The following ITPR1 variants were observed in gnomAD, a reference collection of about 807,000 sequenced individuals.
ITPR1 encodes inositol 1,4,5-trisphosphate receptor type 1, also known as inositol 1,4,5-trisphosphate-gated calcium channel ITPR1.
In ITPR1, 96 loss-of-function variants were observed where a neutral mutation model predicts 318.4. The ratio of observed to expected loss-of-function variants is 0.30; its 90% CI spans 0.26 to 0.36. ITPR1 has a LOEUF of 0.36. Among genes scored for constraint, ITPR1 ranks in the 10% least tolerant of loss-of-function variants. The pLI, the probability that ITPR1 is intolerant of heterozygous loss-of-function variation, is 1.00. For synonymous variants in ITPR1, 1,312 were observed against 1,289.9 expected (o/e 1.02, Z -0.37); for missense variants, 2,440 against 3,460.2 (o/e 0.71, Z 7.40).
At chr3:4,821,030 G>GC (rs1296809233) in intron 60 of ITPR1, among the ~76,000 whole-genome samples, 1 of 152,228 alleles carries the variant, frequency 6.6e-6, no homozygotes, top group Non-Finnish European at 1.5e-5. Flanking sequence ...TCCCCACTGA[G>GC]CGGGGGCATC....
At chr3:4,569,515 TTC>T (rs1419441318) in intron 4 of ITPR1, among the ~76,000 whole-genome samples, 2 of 152,238 alleles carry the variant, frequency 1.3e-5, no homozygotes, top group African/African-American at 4.8e-5. Flanking sequence ...GCATTGCTGA[TTC>T]TCTGTGTTGG....
At chr3:4,820,150 C>T (rs886642531) in intron 60 of ITPR1, among the ~76,000 whole-genome samples, 5 of 152,186 alleles carry the variant, frequency 3.3e-5, no homozygotes, top group African/African-American at 1.2e-4. Context: ...CAGTTCCCTT[C>T]TTTTCCTCCA....
At chr3:4,672,988 G>C (rs897901477) in intron 20 of ITPR1, 148 bp from the exon 21 acceptor site, 2 of 770,644 alleles carry the variant, frequency 2.6e-6, no homozygotes, top group Non-Finnish European at 4.0e-6. Context: ...CCAAAATCCT[G>C]GTATACAAGA....
intron 61 of ITPR1, among the ~76,000 whole-genome samples, chr3:4,845,078 A>G (rs1453805288): frequency 6.6e-6 from 1 of 152,214 alleles, no homozygotes; most frequent in African/African-American, 2.4e-5. Flanking sequence ...GCTAGGAATT[A>G]TCATCCTGAT....
chr3:4,662,085 G>A lies in ITPR1; in HGVS notation c.1255G>A (p.Gly419Ser). The stretch of plus-strand genomic sequence containing the variant: ...CAAGGACCACCTTGAATTTCAGATT[G>A]GCACCTCTCCTGTGAAGGAGGATAA... ...EEEKPVMLKI[G>S]TSPVKEDKEA... Residue 419 changes from glycine to serine, a missense_variant, in exon 15 of 62, where the codon GGC becomes AGC. Gly to Ser is a moderately conservative substitution (Grantham distance 56). Around this residue, in one of 23 missense-constraint regions of ITPR1, gnomAD observed 101 missense variants for 119.6 expected, o/e 0.84. Transcript: ENST00000649015. The A allele has an allele frequency of 1.2e-6, 2 of 1,612,176 alleles. No individual in the cohort carries two copies. The highest frequency in any genetic ancestry group is 1.7e-6 in the Non-Finnish European group (2 of 1,178,698).
chr3:4,673,092 T>C, intron 20 of ITPR1, 44 bp from the exon 21 acceptor site: 1 of 1,576,718 alleles, frequency 6.3e-7, no homozygotes, highest in Non-Finnish European at 8.6e-7. Flanking sequence ...TCATCCTGAA[T>C]GATTTCTGGA....
At chr3:4,660,389 C>T (rs996534581) in intron 13 of ITPR1, among the ~76,000 whole-genome samples, 1 of 151,120 alleles carries the variant, frequency 6.6e-6, no homozygotes, top group African/African-American at 2.4e-5. Context: ...CTTTTATTTT[C>T]CCAGGCTATG....
intron 12 of ITPR1, among the ~76,000 whole-genome samples, chr3:4,654,881 T>C (rs2093672154): frequency 6.6e-6 from 1 of 152,218 alleles, no homozygotes; most frequent in African/African-American, 2.4e-5. Flanking sequence ...GAGGCCTTCC[T>C]GCTGTGGGTT....
chr3:4,586,640 G>T (rs1460586474), intron 4 of ITPR1, among the ~76,000 whole-genome samples: 2 of 151,368 alleles, frequency 1.3e-5, no homozygotes, highest in Non-Finnish European at 2.9e-5. Flanking sequence ...TTCCTGAGTA[G>T]CTGGGACTGC....
intron 54 of ITPR1, among the ~76,000 whole-genome samples, chr3:4,803,152 C>T (rs572269640): frequency 1.2e-3 from 181 of 152,274 alleles, no homozygotes; most frequent in Non-Finnish European, 2.3e-3. Flanking sequence ...AGGCGCTACA[C>T]GCTTTTAAAC....
At position 4,611,620 on chromosome 3, in the gene ITPR1, G is replaced by A. The variant is rs142467620; in HGVS notation, c.164-16143G>A. Among the ~76,000 whole-genome samples the A allele has an allele frequency of 2.2e-4, 34 of 151,296 alleles. No individual in the cohort carries two copies. In the East Asian group the frequency reaches 5.8e-3, roughly 26 times the overall value. On this transcript the variant is annotated intron_variant, in intron 4 of 61. Coordinates refer to ENST00000649015, the MANE Select transcript of ITPR1 (RefSeq NM_001378452.1). ...AATTAGCAGGTGTCGTGGCATGTGC[G>A]TGTAGTTCCAGGTACTCGGGAGGCT... is the stretch of plus-strand genomic sequence containing the variant.
chr3:4,502,109 G>C (rs1274740455), intron 2 of ITPR1, among the ~76,000 whole-genome samples: 1 of 152,190 alleles, frequency 6.6e-6, no homozygotes. Context: ...ACGACACCCA[G>C]ACGACGGACA....
intron 4 of ITPR1, among the ~76,000 whole-genome samples, chr3:4,615,143 C>T (rs961149040): frequency 1.3e-5 from 2 of 152,174 alleles, no homozygotes; most frequent in Non-Finnish European, 2.9e-5. Flanking sequence ...ACCCCTGTCC[C>T]GTACTGACAC....
intron 33 of ITPR1, among the ~76,000 whole-genome samples, chr3:4,695,583 AC>A (rs1333537076): frequency 4.6e-5 from 7 of 152,142 alleles, no homozygotes; most frequent in African/African-American, 1.7e-4. Context: ...CCTGAGGGTA[AC>A]CACAAGCTGA....
At position 4,818,166 on chromosome 3, in the gene ITPR1, G is replaced by C; in HGVS notation, c.7952G>C (p.Cys2651Ser). 2 of 1,606,818 alleles carry C rather than the reference G, an allele frequency of 1.2e-6. No individual in the cohort carries two copies. Among genetic ancestry groups the C allele is most frequent in the Non-Finnish European group, 1.7e-6 (2 of 1,174,116 alleles). The change falls in exon 60 of 62, where the codon TGC (cysteine) becomes TCC (serine). Residue 2651 changes from cysteine (C) to serine (S), a missense_variant. Physicochemically the swap from Cys to Ser is moderately radical, Grantham distance 112. Around this residue, in one of 23 missense-constraint regions of ITPR1, gnomAD observed 72 missense variants for 197.7 expected, o/e 0.36. Coordinates refer to ENST00000649015, the MANE Select transcript of ITPR1 (RefSeq NM_001378452.1). ...GAACACAACATGTGGCACTATCTGT[G>C]CTTCATCGTCCTGGTGAAAGTAAAG... ...KEEHNMWHYL[C>S]FIVLVKVKDS...
intron 3 of ITPR1, among the ~76,000 whole-genome samples, chr3:4,519,359 T>C (rs1359166917): frequency 2.0e-5 from 3 of 152,332 alleles, no homozygotes; most frequent in African/African-American, 7.2e-5. Context: ...CCCATGTAGC[T>C]GGGACTACAG....
chr3:4,644,089 G>A (rs758409060), intron 7 of ITPR1, 47 bp from the exon 8 acceptor site: 6 of 1,292,062 alleles, frequency 4.6e-6, no homozygotes, highest in African/African-American at 2.9e-5. Context: ...TCAATCCGCA[G>A]TCCTTATCAG....
chr3:4,545,398 G>T (rs1056062857), intron 4 of ITPR1, among the ~76,000 whole-genome samples: 7 of 152,060 alleles, frequency 4.6e-5, no homozygotes, highest in African/African-American at 1.7e-4. Flanking sequence ...CAAGATGTGA[G>T]GATCACTTGA....
At chr3:4,516,866 A>G (rs1056009458) in intron 3 of ITPR1, among the ~76,000 whole-genome samples, 14 of 152,348 alleles carry the variant, frequency 9.2e-5, no homozygotes, top group African/African-American at 3.4e-4. Context: ...GAGTGCCTTT[A>G]TTCCACTATG....
Sources: gnomAD v4.1 joint callset for allele counts (sites outside exome capture counted in the v4.1 genomes callset) on GRCh38, gnomAD v4.1.1 for gene constraint, gnomAD v4.1.1 regional missense constraint, MANE v1.5 for transcripts, NCBI Gene and HGNC (gene_info 2026-07-23, HGNC 2026-07-21) for gene names.